The following TCTN1 variants were observed in gnomAD, a reference collection of about 807,000 sequenced individuals.
The protein encoded by TCTN1 is tectonic-1.
In TCTN1, 58 loss-of-function variants were observed where a neutral mutation model predicts 65.8. The observed-to-expected ratio is 0.88, with a 90% CI of 0.71 to 1.10. The LOEUF (loss-of-function observed/expected upper bound fraction) is 1.10, where lower values mean the gene tolerates loss of function less well. TCTN1 is among the 50% of genes least tolerant of loss of function. The probability of loss-of-function intolerance (pLI) is 0.00; values close to 1 mark genes in which losing one functional copy is unlikely to be tolerated. For synonymous variants in TCTN1, 273 were observed against 289.1 expected, an observed-to-expected ratio of 0.94 and a Z score of 0.57; for missense variants, 645 against 719.4, an observed-to-expected ratio of 0.90 and a Z score of 1.18.
At chr12:110,628,455 C>G (rs2065999171) in intron 3 of TCTN1, among the ~76,000 whole-genome samples, 1 of 151,908 alleles carries the variant, frequency 6.6e-6, no homozygotes, top group African/African-American at 2.4e-5. Flanking sequence ...ATTCTCCTGC[C>G]TCAGCCTCCC....
chr12:110,636,359 TTTC>T, intron 6 of TCTN1, 119 bp from the exon 7 acceptor site: 2 of 691,854 alleles, frequency 2.9e-6, no homozygotes, highest in Non-Finnish European at 5.0e-6. Context: ...GAAATTCTGT[TTTC>T]TTCTTTGTGA....
chr12:110,629,840 C>G (rs949804615), intron 4 of TCTN1: 8 of 152,150 alleles, frequency 5.3e-5, no homozygotes, highest in African/African-American at 1.9e-4. Context: ...TGGAACCAAC[C>G]CAAATGTCCA....
intron 12 of TCTN1, chr12:110,645,501 C>A: frequency 3.1e-6 from 1 of 326,294 alleles, no homozygotes; most frequent in Non-Finnish European, 6.0e-6. Context: ...TTGCTGGTGT[C>A]CCCCGAGCCC....
At chr12:110,621,094 C>T (rs190225442) in intron 2 of TCTN1, among the ~76,000 whole-genome samples, 9 of 152,252 alleles carry the variant, frequency 5.9e-5, no homozygotes, top group African/African-American at 1.4e-4. Flanking sequence ...TGTAAGCCAA[C>T]GCGCCCAGCT....
chr12:110,635,773 A>G (rs1178703635), intron 6 of TCTN1: 1 of 152,398 alleles, frequency 6.6e-6, no homozygotes, highest in Non-Finnish European at 1.5e-5. Flanking sequence ...TCTGGACCTC[A>G]GTTTTTAGGA....
chr12:110,641,978 CA>C (rs1455855850), intron 10 of TCTN1: 1 of 556,836 alleles, frequency 1.8e-6, no homozygotes, highest in East Asian at 3.0e-5. Context: ...TTTAATTTCA[CA>C]TTTAAACAGA....
intron 9 of TCTN1, 108 bp from the exon 10 acceptor site, chr12:110,641,434 T>G: frequency 8.8e-7 from 1 of 1,136,254 alleles, no homozygotes; most frequent in Non-Finnish European, 1.3e-6. Flanking sequence ...GAGAAATTCT[T>G]TTATTGGTTG....
rs143963485 is a variant in TCTN1 at position 110,625,094 on chromosome 12, G to A, written c.342-1268G>A. Among the ~76,000 whole-genome samples, 1,044 of 152,280 alleles carry A rather than the reference G, an allele frequency of 6.9e-3. 1 individual carries two copies. Among genetic ancestry groups the A allele is most frequent in the Non-Finnish European group, 9.4e-3 (637 of 68,016 alleles). On this transcript the variant is annotated intron_variant, in intron 2 of 14. Coordinates refer to ENST00000397659, the MANE Select transcript of TCTN1 (RefSeq NM_001082538.3). ...GCTTTATTCTAAAGACAAGGAATTT[G>A]GATCTATTCTGGGTACTTTTAAACA...
At chr12:110,624,801 T>C (rs983791944) in intron 2 of TCTN1, among the ~76,000 whole-genome samples, 1 of 151,788 alleles carries the variant, frequency 6.6e-6, no homozygotes, top group African/African-American at 2.4e-5. Context: ...AGGCTGGTCT[T>C]GAATGCCTGA....
At chr12:110,630,282 T>A (rs1386953168) in intron 4 of TCTN1, 1 of 152,232 alleles carries the variant, frequency 6.6e-6, no homozygotes, top group Non-Finnish European at 1.5e-5. Context: ...TTGTTTATTC[T>A]GTGATAAACT....
rs371442260 is a variant in TCTN1, at chr12:110,649,401, G to A, written c.*360G>A. ...CAGTGTCTTCTTTTTGAGGGGAGCTGGTCCGGGTCTAGTTCACTTCACCAA... is the reference window on the plus strand; with the variant it reads ...CAGTGTCTTCTTTTTGAGGGGAGCTAGTCCGGGTCTAGTTCACTTCACCAA... On this transcript the variant is annotated 3_prime_UTR_variant, in exon 15 of 15. Coordinates refer to ENST00000397659, the MANE Select transcript of TCTN1 (RefSeq NM_001082538.3). 14 of 1,604,284 alleles carry A rather than the reference G, an allele frequency of 8.7e-6. No individual in the cohort carries two copies. The African/African-American group carries it at 1.7e-4, about 20-fold the overall frequency.
intron 1 of TCTN1, among the ~76,000 whole-genome samples, chr12:110,615,992 C>T (rs919949531): frequency 6.6e-6 from 1 of 152,060 alleles, no homozygotes; most frequent in African/African-American, 2.4e-5. Context: ...AAACAGAGCT[C>T]TGTTTTATAT....
chr12:110,635,457 A>G (rs149653794), intron 6 of TCTN1, among the ~76,000 whole-genome samples: 256 of 152,254 alleles, frequency 1.7e-3, no homozygotes, highest in African/African-American at 5.8e-3. Context: ...CCTACAAAAA[A>G]TAATAAAAAA....
intron 7 of TCTN1, among the ~76,000 whole-genome samples, chr12:110,637,498 G>A (rs1474035026): frequency 6.6e-6 from 1 of 152,106 alleles, no homozygotes; most frequent in Non-Finnish European, 1.5e-5. Flanking sequence ...AATGATGGAT[G>A]TTACTTGTGT....
At chr12:110,628,620 C>T (rs973199295) in intron 3 of TCTN1, 147 bp from the exon 4 acceptor site, 31 of 756,610 alleles carry the variant, frequency 4.1e-5, no homozygotes, top group South Asian at 5.6e-5. Flanking sequence ...AGATTACAGG[C>T]GTGAGCCCAT....
At chr12:110,621,617 C>T (rs1353974671) in intron 2 of TCTN1, among the ~76,000 whole-genome samples, 2 of 151,918 alleles carry the variant, frequency 1.3e-5, no homozygotes, top group African/African-American at 2.4e-5. Flanking sequence ...GGACTACAGG[C>T]GTGTGCCACC....
chr12:110,642,159 C>A, intron 10 of TCTN1, 90 bp from the exon 11 acceptor site: 1 of 1,553,710 alleles, frequency 6.4e-7, no homozygotes, highest in Non-Finnish European at 8.8e-7. Context: ...GTATTTGGGT[C>A]TCCCTCATGT....
In TCTN1 at chr12:110,642,313, CAA is replaced by C; in HGVS notation, c.1256_1257del (p.Gln419ArgfsTer23). ...QLTILHSTTE[Q>X]DCLALEGVRT... ...TACTATTCTTCATAGCACAACTGAG[CAA>C]GACTGCTTAGCACTGGAGGGGGTCC... On this transcript the variant is annotated frameshift_variant, in exon 11 of 15. Transcript: ENST00000397659. LOFTEE classifies it high-confidence loss of function. The C allele has an allele frequency of 6.2e-7, 1 of 1,614,154 alleles. No homozygotes were observed. Among genetic ancestry groups the C allele is most frequent in the Non-Finnish European group, 8.5e-7 (1 of 1,180,022 alleles).
intron 12 of TCTN1, 22 bp from the exon 13 acceptor site, chr12:110,647,174 T>TAAGA (rs779039763): frequency 6.2e-7 from 1 of 1,614,208 alleles, no homozygotes; most frequent in Non-Finnish European, 8.5e-7. Flanking sequence ...TGCAGTTTTG[T>TAAGA]AAGATTCTAA....
Sources: allele counts gnomAD v4.1 joint callset (sites outside exome capture counted in the v4.1 genomes callset), GRCh38; gene constraint gnomAD v4.1.1; transcripts MANE v1.5; gene names NCBI Gene and HGNC (gene_info 2026-07-23, HGNC 2026-07-21).